The following DSCAM variants were observed in gnomAD, a reference collection of about 807,000 sequenced individuals.
DSCAM encodes the protein cell adhesion molecule DSCAM.
Under a neutral mutation model 217.7 loss-of-function variants are expected in DSCAM, and 47 were observed. The observed-to-expected ratio is 0.22, with a 90% CI of 0.17 to 0.28. DSCAM has a LOEUF of 0.28. DSCAM is among the 10% of genes least tolerant of loss of function. The probability of loss-of-function intolerance (pLI) is 1.00; values close to 1 mark genes in which losing one functional copy is unlikely to be tolerated. For synonymous variants in DSCAM, 1,056 were observed against 1,015.3 expected (o/e 1.04, Z -0.76); for missense variants, 2,080 against 2,618.3 (o/e 0.79, Z 4.49).
In DSCAM at chr21:40,513,856, T is replaced by TAAC. The variant is rs781364857; in HGVS notation, c.509-144614_509-144612dup. Among the ~76,000 whole-genome samples, 13 of 152,020 alleles carry TAAC rather than the reference T, an allele frequency of 8.6e-5. No homozygotes were observed. In the South Asian group the frequency reaches 1.0e-3, roughly 12 times the overall value. On this transcript the variant is annotated intron_variant, in intron 3 of 32. Transcript: ENST00000400454. ...AATTTAAAAATAAAAAAACTGTATG[T>TAAC]AACAACAACAACAACAACAAAAACA... is the stretch of plus-strand genomic sequence containing the variant.
intron 3 of DSCAM, among the ~76,000 whole-genome samples, chr21:40,498,707 ATATGGGTGTATATATATATGGGTGTGTG>A (rs2076143788): frequency 2.6e-4 from 2 of 7,804 alleles, no homozygotes; most frequent in African/African-American, 9.6e-4. Flanking sequence ...AGATATATAT[ATATGGGTGTATATATATATGGGTGTGTG>A]TATATATATA....
chr21:40,401,892 C>T (rs562716124), intron 3 of DSCAM, among the ~76,000 whole-genome samples: 3 of 151,928 alleles, frequency 2.0e-5, no homozygotes, highest in East Asian at 3.9e-4. Context: ...CTCCAGAAGT[C>T]GGCCCAGCCT....
rs758018128 is a variant in DSCAM, at chr21:40,846,669, C to A, written c.-8G>T. On this transcript the variant is annotated 5_prime_UTR_variant, in exon 1 of 33. Coordinates refer to ENST00000400454, the MANE Select transcript of DSCAM (RefSeq NM_001389.5). ...GAGAGCCAGTATCCACATGCCCCTG[C>A]CGCTCCCCGGCCTCCCGCGAGCGAC... 4 of 1,220,272 alleles carry A rather than the reference C, an allele frequency of 3.3e-6. No individual in the cohort carries two copies. In the Admixed American group the frequency reaches 1.0e-4, roughly 31 times the overall value. 75.6% of individuals were successfully genotyped at this position (1,220,272 alleles called of 1,614,324 possible). A position where few individuals can be genotyped will look rare whatever the true frequency, so the allele number is the denominator to read the frequency against.
chr21:40,376,398 ATATATC>A lies in DSCAM; in HGVS notation c.509-7159_509-7154del, dbSNP rs1214420759. ...ATAGAAGTGGAAATAGAAGATATAT[ATATATC>A]TATATCATATATATCTTATATAGAT... On this transcript the variant is annotated intron_variant, in intron 3 of 32. Coordinates refer to ENST00000400454, the MANE Select transcript of DSCAM (RefSeq NM_001389.5). Among the ~76,000 whole-genome samples, 98 of 148,088 alleles carry A rather than the reference ATATATC, an allele frequency of 6.6e-4. 1 individual carries two copies. The highest frequency in any genetic ancestry group is 1.5e-4 in the Non-Finnish European group (10 of 67,232).
At chr21:40,427,015 T>G (rs1430655741) in intron 3 of DSCAM, among the ~76,000 whole-genome samples, 1 of 152,226 alleles carries the variant, frequency 6.6e-6, no homozygotes. Context: ...CGGGACCTGA[T>G]GCTGTCAGCC....
At chr21:40,344,658 A>G (rs908142290) in intron 6 of DSCAM, among the ~76,000 whole-genome samples, 2 of 152,268 alleles carry the variant, frequency 1.3e-5, no homozygotes. Flanking sequence ...TGATGTCCTC[A>G]TTATGTAATA....
chr21:40,512,144 G>A (rs2076264355), intron 3 of DSCAM, among the ~76,000 whole-genome samples: 1 of 152,076 alleles, frequency 6.6e-6, no homozygotes, highest in South Asian at 2.1e-4. Flanking sequence ...GGAAATTAAC[G>A]TAGCAGTGAT....
intron 2 of DSCAM, among the ~76,000 whole-genome samples, chr21:40,698,757 C>T (rs895713225): frequency 3.3e-5 from 5 of 151,644 alleles, no homozygotes; most frequent in Admixed American, 2.6e-4. Flanking sequence ...GTAATCCCAG[C>T]TACTAGTGCG....
intron 1 of DSCAM, among the ~76,000 whole-genome samples, chr21:40,711,333 T>A (rs1156566766): frequency 6.6e-6 from 1 of 152,180 alleles, no homozygotes; most frequent in Non-Finnish European, 1.5e-5. Flanking sequence ...ACTTTGCCTG[T>A]AGTTAACTGA....
At chr21:40,266,041 TA>T (rs1485452758) in intron 11 of DSCAM, among the ~76,000 whole-genome samples, 1 of 152,058 alleles carries the variant, frequency 6.6e-6, no homozygotes, top group African/African-American at 2.4e-5. Flanking sequence ...CACAGCAAAA[TA>T]AATAATCATC....
intron 11 of DSCAM, among the ~76,000 whole-genome samples, chr21:40,217,007 A>G (rs887093181): frequency 6.6e-6 from 1 of 152,252 alleles, no homozygotes; most frequent in Non-Finnish European, 1.5e-5. Context: ...AGGCCAGAAA[A>G]GGGACCAGTG....
At chr21:40,239,048 A>G (rs2073114512) in intron 11 of DSCAM, among the ~76,000 whole-genome samples, 1 of 152,132 alleles carries the variant, frequency 6.6e-6, no homozygotes, top group African/African-American at 2.4e-5. Context: ...TCAGAGATGG[A>G]GAACAGTTAT....
At chr21:40,740,722 G>T (rs533667567) in intron 1 of DSCAM, among the ~76,000 whole-genome samples, 1 of 152,292 alleles carries the variant, frequency 6.6e-6, no homozygotes, top group East Asian at 1.9e-4. Context: ...ACACACTGGG[G>T]CTGAGAGGAG....
In DSCAM at chr21:40,144,393, C is replaced by T; in HGVS notation, c.3259+98G>A. The T allele has an allele frequency of 6.5e-7, 1 of 1,546,920 alleles. No individual in the cohort carries two copies. On this transcript the variant is annotated intron_variant, in intron 17 of 32. Coordinates refer to ENST00000400454, the MANE Select transcript of DSCAM (RefSeq NM_001389.5). The surrounding 1 kb of genome is among the most constrained non-coding windows in gnomAD (Gnocchi z 4.8). ...CAGGCCCTGCAGGTCACTGCAAAGT[C>T]GTGGGGCGGGGGAGTGCGAGGTTGG...
chr21:40,187,343 C>A, intron 13 of DSCAM, 84 bp from the exon 14 acceptor site: 1 of 1,535,890 alleles, frequency 6.5e-7, no homozygotes, highest in African/African-American at 1.4e-5. Flanking sequence ...GCGTGACTCA[C>A]AAACGATTTG....
At chr21:40,059,639 C>T (rs568441174) in intron 28 of DSCAM, among the ~76,000 whole-genome samples, 38 of 152,298 alleles carry the variant, frequency 2.5e-4, no homozygotes, top group African/African-American at 9.1e-4. Context: ...AATGTTACAT[C>T]CATTTAGAAC....
intron 3 of DSCAM, among the ~76,000 whole-genome samples, chr21:40,374,818 GC>G (rs1256267497): frequency 6.6e-6 from 1 of 152,168 alleles, no homozygotes. Context: ...CAGGAAGGGA[GC>G]CCCCATCAGG....
At chr21:40,021,141 C>T (rs1240792810) in intron 32 of DSCAM, among the ~76,000 whole-genome samples, 1 of 138,710 alleles carries the variant, frequency 7.2e-6, no homozygotes, top group Non-Finnish European at 1.5e-5. Context: ...TGGAAACACA[C>T]ACAGGGAGGC....
intron 3 of DSCAM, among the ~76,000 whole-genome samples, chr21:40,481,754 T>C (rs11702766): frequency 0.28 from 42,983 of 152,014 alleles, 6,171 homozygotes; most frequent in Admixed American, 0.31. Flanking sequence ...GACTAAATCT[T>C]GCCATCCTAA....
Sources: allele counts gnomAD v4.1 joint callset (sites outside exome capture counted in the v4.1 genomes callset), GRCh38; gene constraint gnomAD v4.1.1; non-coding constraint Gnocchi (gnomAD v3.1); transcripts MANE v1.5; gene names NCBI Gene and HGNC (gene_info 2026-07-23, HGNC 2026-07-21).